Variants in ZNF610 observed in about 807,000 individuals in gnomAD.
The protein encoded by ZNF610 is zink finger protein.
Under a neutral mutation model 14.1 loss-of-function variants are expected in ZNF610, and 14 were observed. That is an observed-to-expected ratio of 0.99 (90% confidence interval 0.65 to 1.55). ZNF610 has a LOEUF of 1.55. ZNF610 is among the 40% of genes most tolerant of loss of function. The pLI is 0.00. For missense variants in ZNF610, 530 were observed against 558.0 expected (o/e 0.95, Z 0.51); for synonymous variants, 185 against 187.6 (o/e 0.99, Z 0.11).
At chr19:52,354,722 G>T (rs902403602) in intron 5 of ZNF610, among the ~76,000 whole-genome samples, 14 of 151,478 alleles carry the variant, frequency 9.2e-5, no homozygotes, top group African/African-American at 3.2e-4. Flanking sequence ...GAGATTACAG[G>T]CATGTGTCAC....
At chr19:52,346,384 C>T (rs929402957) in intron 1 of ZNF610, among the ~76,000 whole-genome samples, 60 of 151,612 alleles carry the variant, frequency 4.0e-4, no homozygotes, top group Admixed American at 3.7e-3. Flanking sequence ...AGTCTGGTGT[C>T]GAACTCCTGA....
rs564330784 is a variant in ZNF610, at chr19:52,354,323, A to G, written c.263A>G (p.Gln88Arg). The part of the protein sequence containing the change: ...QRREPLILQS[Q>R]VKIVKNTDGR... ...AGAGAGCCCTTGATTCTGCAAAGTCAAGTTAAAATAGTAAAAAATACAGAT... is the reference window on the plus strand; with the variant it reads ...AGAGAGCCCTTGATTCTGCAAAGTCGAGTTAAAATAGTAAAAAATACAGAT... The change falls in exon 5 of 6, where the codon CAA (glutamine) becomes CGA (arginine). Residue 88 changes from glutamine (Q) to arginine (R), a missense_variant. Transcript: ENST00000403906. 5.4e-4 allele frequency: 876 copies of G among 1,614,182 alleles called. 11 individuals are homozygous for G. The South Asian group carries it at 9.0e-3, about 17-fold the overall frequency.
intron 2 of ZNF610, among the ~76,000 whole-genome samples, chr19:52,348,769 GCTGAGCACCAACGCT>G (rs1172637586): frequency 6.6e-6 from 1 of 152,078 alleles, no homozygotes; most frequent in African/African-American, 2.4e-5. Context: ...TGTCTCTGGC[GCTGAGCACCAACGCT>G]CTGTGTCCTC....
In ZNF610 at chr19:52,366,432, G is replaced by C; in HGVS notation, c.1054G>C (p.Val352Leu). 1.2e-6 allele frequency: 2 copies of C among 1,614,162 alleles called. No individual in the cohort carries two copies. The highest frequency in any genetic ancestry group is 4.5e-5 in the East Asian group (2 of 44,890). ...KPYKCNECGK[V>L]FSLLSYLARH... ...TTACAAATGTAATGAATGTGGCAAG[G>C]TCTTTAGTCTGCTTTCATACCTTGC... is the stretch of plus-strand genomic sequence containing the variant. The change falls in exon 6 of 6, where the codon GTC becomes CTC. Residue 352 changes from valine (V) to leucine (L), a missense_variant. Transcript: ENST00000403906.
upstream of ZNF610, among the ~76,000 whole-genome samples, chr19:52,333,352 C>T (rs1013215638): frequency 1.3e-5 from 2 of 152,198 alleles, no homozygotes; most frequent in Non-Finnish European, 2.9e-5. Context: ...CCCAGGCTGG[C>T]AACATCCCCC....
intron 5 of ZNF610, among the ~76,000 whole-genome samples, chr19:52,363,862 A>G (rs913111212): frequency 6.6e-6 from 1 of 152,192 alleles, no homozygotes; most frequent in South Asian, 2.1e-4. Context: ...AGGCCTTAAT[A>G]GTGCCATCTT....
intron 1 of ZNF610, among the ~76,000 whole-genome samples, chr19:52,340,870 G>A (rs955930553): frequency 6.6e-6 from 1 of 151,862 alleles, no homozygotes; most frequent in South Asian, 2.1e-4. Context: ...TAGTAGAGAC[G>A]GGGTTTCACC....
chr19:52,335,978 G>C (rs1451181505), upstream of ZNF610, among the ~76,000 whole-genome samples: 2 of 152,158 alleles, frequency 1.3e-5, no homozygotes, highest in African/African-American at 4.8e-5. Flanking sequence ...CGATCCTCCA[G>C]CCTCAGCCTC....
chr19:52,346,154 A>G (rs1984944357), intron 1 of ZNF610, among the ~76,000 whole-genome samples: 1 of 150,912 alleles, frequency 6.6e-6, no homozygotes, highest in Non-Finnish European at 1.5e-5. Context: ...GCCTGCCACT[A>G]CACCCGGCTA....
intron 5 of ZNF610, among the ~76,000 whole-genome samples, chr19:52,364,397 AG>A (rs1337274022): frequency 2.0e-5 from 3 of 152,168 alleles, no homozygotes; most frequent in Admixed American, 2.0e-4. Flanking sequence ...TTGGGTTAGA[AG>A]TACTGTCTGG....
intron 5 of ZNF610, among the ~76,000 whole-genome samples, chr19:52,361,699 A>G (rs1985789505): frequency 6.6e-6 from 1 of 151,850 alleles, no homozygotes; most frequent in East Asian, 1.9e-4. Context: ...AGCTCAAGTG[A>G]TCCTCCCGCC....
In ZNF610 at chr19:52,366,025, G is replaced by C. The variant is rs321937; in HGVS notation, c.647G>C (p.Arg216Pro). 0.86 allele frequency: 1,392,056 copies of C among 1,613,884 alleles called. 603,009 individuals are homozygous for C. Among genetic ancestry groups the C allele is most frequent in the South Asian group, 0.9 (81,994 of 91,052 alleles). Residue 216 changes from arginine to proline, a missense_variant, in exon 6 of 6, where the codon CGT becomes CCT. Arg to Pro is a moderately radical substitution (Grantham distance 103). Transcript: ENST00000403906. Reference protein sequence around the residue: ...CSEDGEVFRVRASLTNHQVIH... With the variant: ...CSEDGEVFRVPASLTNHQVIH... Reference sequence around the variant, plus strand: ...GAAGATGGTGAAGTTTTTAGAGTCCGTGCAAGCCTTACTAACCATCAAGTA... The same window carrying C: ...GAAGATGGTGAAGTTTTTAGAGTCCCTGCAAGCCTTACTAACCATCAAGTA...
At chr19:52,348,767 G>A (rs1028106226) in intron 2 of ZNF610, among the ~76,000 whole-genome samples, 6 of 152,064 alleles carry the variant, frequency 3.9e-5, no homozygotes, top group African/African-American at 1.4e-4. Context: ...TCTGTCTCTG[G>A]CGCTGAGCAC....
rs1986181793 is a variant in ZNF610 at position 52,367,738 on chromosome 19, C to G, written c.*971C>G. On this transcript the variant is annotated 3_prime_UTR_variant, in exon 6 of 6. Coordinates refer to ENST00000403906, the MANE Select transcript of ZNF610 (RefSeq NM_001161425.2). ...TTAATAGTACAATTTCAGCCTTGTA[C>G]ACCCTCAAATGTGTGTGAGTGTTAA... 1 of 152,078 alleles carries G rather than the reference C, an allele frequency of 6.6e-6. No homozygotes were observed. Among genetic ancestry groups the G allele is most frequent in the Admixed American group, 6.6e-5 (1 of 15,262 alleles). 9.4% of individuals were successfully genotyped at this position (152,078 alleles called of 1,614,324 possible).
rs1470850077 is a variant in ZNF610, at chr19:52,353,768, G to T, written c.150G>T (p.Arg50Ser). The change falls in exon 4 of 6, where the codon AGG becomes AGT. Residue 50 changes from arginine (R) to serine (S), a missense_variant. Transcript: ENST00000403906. ...SLDPGQRALY[R>S]DVMLENYRNL... is the part of the protein sequence containing the mutation. ...ACCCTGGACAGAGGGCTTTATACAG[G>T]GACGTGATGTTGGAGAACTACAGGA... 3.1e-6 allele frequency: 5 copies of T among 1,613,020 alleles called. No individual in the cohort carries two copies. The highest frequency in any genetic ancestry group is 4.2e-6 in the Non-Finnish European group (5 of 1,179,770).
intron 5 of ZNF610, among the ~76,000 whole-genome samples, chr19:52,364,185 T>C (rs2122297629): frequency 6.6e-6 from 1 of 152,350 alleles, no homozygotes; most frequent in South Asian, 2.1e-4. Flanking sequence ...AATATTCCCA[T>C]TAACACATTT....
intron 5 of ZNF610, among the ~76,000 whole-genome samples, chr19:52,359,669 G>A (rs755835804): frequency 6.6e-5 from 10 of 152,144 alleles, no homozygotes; most frequent in Non-Finnish European, 1.0e-4. Context: ...TTCCGTGACC[G>A]ACGGTATAGG....
At position 52,336,381 on chromosome 19, in the gene ZNF610, TC is replaced by T; in HGVS notation, c.-379del. 4.6e-6 allele frequency: 1 copy of T among 215,162 alleles called. No homozygotes were observed. Among genetic ancestry groups the T allele is most frequent in the Non-Finnish European group, 9.1e-6 (1 of 109,456 alleles). 13.3% of individuals were successfully genotyped at this position (215,162 alleles called of 1,614,324 possible). A position where few individuals can be genotyped will look rare whatever the true frequency, so the allele number is the denominator to read the frequency against. ...CTGAGAGTCAACACAGACCTTGAAA[TC>T]CCCGCACCGCTCCCTCCACCCCGTG... is the stretch of plus-strand genomic sequence containing the variant. On this transcript the variant is annotated 5_prime_UTR_variant, in exon 1 of 6. Transcript: ENST00000403906.
chr19:52,366,272 A>G lies in ZNF610; in HGVS notation c.894A>G (p.Arg298=). ...GTAACGAATGTGGCAAAGCTTTTAG[A>G]GAGTGTTCGGGACTTACTACCCATC... ...HKCNECGKAF[R]ECSGLTTHLV... Residue 298 remains arginine, a synonymous_variant, in exon 6 of 6, where the codon AGA becomes AGG. Transcript: ENST00000403906. The G allele has an allele frequency of 6.2e-7, 1 of 1,613,278 alleles. No individual in the cohort carries two copies. Among genetic ancestry groups the G allele is most frequent in the Non-Finnish European group, 8.5e-7 (1 of 1,179,388 alleles).
Sources: gnomAD v4.1 joint callset for allele counts (sites outside exome capture counted in the v4.1 genomes callset) on GRCh38, gnomAD v4.1.1 for gene constraint, MANE v1.5 for transcripts, NCBI Gene and HGNC (gene_info 2026-07-23, HGNC 2026-07-21) for gene names.